STAG1: variants seen among roughly 807,000 people sequenced by gnomAD.
STAG1 encodes cohesin subunit SA-1.
STAG1 carries 26 observed loss-of-function variants against 170.9 expected under a neutral mutation model. The ratio of observed to expected loss-of-function variants is 0.15; its 90% CI spans 0.11 to 0.21. The LOEUF (loss-of-function observed/expected upper bound fraction) is 0.21, where lower values mean the gene tolerates loss of function less well. Ranked by LOEUF, STAG1 falls within the 10% of genes least tolerant of loss-of-function variation. The pLI, the probability that STAG1 is intolerant of heterozygous loss-of-function variation, is 1.00. For missense variants in STAG1, 964 were observed against 1,509.5 expected, an observed-to-expected ratio of 0.64 and a Z score of 5.99; for synonymous variants, 514 against 497.7, an observed-to-expected ratio of 1.03 and a Z score of -0.44.
chr3:136,678,406 A>G (rs2107883729), intron 1 of STAG1, among the ~76,000 whole-genome samples: 1 of 151,930 alleles, frequency 6.6e-6, no homozygotes, highest in South Asian at 2.1e-4. Flanking sequence ...TAGGGCAATC[A>G]CCCAAGTCAG....
At chr3:136,361,977 C>CA (rs1936881686) in intron 26 of STAG1, among the ~76,000 whole-genome samples, 1 of 151,378 alleles carries the variant, frequency 6.6e-6, no homozygotes, top group Admixed American at 6.6e-5. Context: ...TTTTTTGAGA[C>CA]AGAGTTTTGC....
At chr3:136,509,075 A>G (rs1240143922) in intron 7 of STAG1, among the ~76,000 whole-genome samples, 1 of 152,268 alleles carries the variant, frequency 6.6e-6, no homozygotes, top group African/African-American at 2.4e-5. Context: ...CTTGAGAGAC[A>G]AAGTTCTTGA....
At chr3:136,379,047 A>G (rs1346451625) in intron 22 of STAG1, among the ~76,000 whole-genome samples, 1 of 152,212 alleles carries the variant, frequency 6.6e-6, no homozygotes, top group Non-Finnish European at 1.5e-5. Flanking sequence ...TTTTGCTAAC[A>G]TGAGTATAGT....
intron 4 of STAG1, among the ~76,000 whole-genome samples, chr3:136,601,718 C>A (rs1024259177): frequency 1.3e-5 from 2 of 151,848 alleles, no homozygotes; most frequent in African/African-American, 4.8e-5. Flanking sequence ...GCACCTGTAA[C>A]CCCAGCTACT....
chr3:136,343,245 C>T (rs1188368458), intron 30 of STAG1, among the ~76,000 whole-genome samples: 1 of 152,202 alleles, frequency 6.6e-6, no homozygotes, highest in Non-Finnish European at 1.5e-5. Context: ...CCATCACCCT[C>T]TGCCTTCTCT....
At chr3:136,688,386 T>C (rs901351689) in intron 1 of STAG1, among the ~76,000 whole-genome samples, 1 of 152,090 alleles carries the variant, frequency 6.6e-6, no homozygotes, top group Non-Finnish European at 1.5e-5. Context: ...TCTACCAAAG[T>C]ACAAAAAGTT....
chr3:136,670,774 G>T (rs967339326), intron 1 of STAG1, among the ~76,000 whole-genome samples: 2 of 151,916 alleles, frequency 1.3e-5, no homozygotes, highest in Non-Finnish European at 2.9e-5. Flanking sequence ...GCCCGGACTT[G>T]TTTTTTCTTT....
At chr3:136,743,104 C>T (rs766686492) in intron 1 of STAG1, among the ~76,000 whole-genome samples, 4 of 152,102 alleles carry the variant, frequency 2.6e-5, no homozygotes, top group Non-Finnish European at 5.9e-5. Flanking sequence ...CAGTGGCTCA[C>T]GCCTGTAATC....
intron 1 of STAG1, among the ~76,000 whole-genome samples, chr3:136,745,964 A>G (rs1240447518): frequency 6.6e-6 from 1 of 152,206 alleles, no homozygotes. Flanking sequence ...TTAGAAAAGG[A>G]GGAGAAAAAT....
chr3:136,346,200 G>A (rs1936215235), intron 29 of STAG1, among the ~76,000 whole-genome samples: 1 of 152,192 alleles, frequency 6.6e-6, no homozygotes, highest in Non-Finnish European at 1.5e-5. Flanking sequence ...GCCTGTTTCT[G>A]TTCTCTATCT....
chr3:136,743,588 A>G (rs920805479), intron 1 of STAG1, among the ~76,000 whole-genome samples: 3 of 152,106 alleles, frequency 2.0e-5, no homozygotes, highest in African/African-American at 7.2e-5. Flanking sequence ...TATAGAAACT[A>G]AATTTGATTT....
intron 21 of STAG1, among the ~76,000 whole-genome samples, chr3:136,408,795 T>C (rs1361831326): frequency 6.6e-6 from 1 of 152,126 alleles, no homozygotes; most frequent in Non-Finnish European, 1.5e-5. Context: ...TCATGTCTTT[T>C]TGACTTAGAA....
chr3:136,567,969 G>T (rs537915777), intron 5 of STAG1, among the ~76,000 whole-genome samples: 1 of 151,422 alleles, frequency 6.6e-6, no homozygotes, highest in African/African-American at 2.4e-5. Flanking sequence ...CACTTTTTAC[G>T]GCAGAGACTG....
At position 136,368,992 on chromosome 3, in the gene STAG1, AC is replaced by A. The variant is rs1937188847; in HGVS notation, c.2545+115del. 3 of 1,053,428 alleles carry A rather than the reference AC, an allele frequency of 2.8e-6. No individual in the cohort carries two copies. The African/African-American group carries it at 5.0e-5, about 18-fold the overall frequency. The allele number at this position is 1,053,428 out of a possible 1,614,324, so 65.3% of individuals were successfully genotyped here. A position where few individuals can be genotyped will look rare whatever the true frequency, so the allele number is the denominator to read the frequency against. On this transcript the variant is annotated intron_variant, in intron 24 of 33. Coordinates refer to ENST00000383202, the MANE Select transcript of STAG1 (RefSeq NM_005862.3). Reference sequence around the variant, plus strand: ...TGGTGTCAGCCACTGCACCTGGCCAACTTTTTTAAAAGAAAGAAATCTCGAT... The same window carrying A: ...TGGTGTCAGCCACTGCACCTGGCCAATTTTTTAAAAGAAAGAAATCTCGAT...
At chr3:136,338,487 G>A in intron 32 of STAG1, 37 bp from the exon 33 acceptor site, 3 of 1,453,852 alleles carry the variant, frequency 2.1e-6, no homozygotes, top group Non-Finnish European at 2.9e-6. Flanking sequence ...TTTTTTCTGA[G>A]ATCATTAAGA....
At chr3:136,371,893 A>AC (rs1937359521) in intron 23 of STAG1, among the ~76,000 whole-genome samples, 1 of 152,220 alleles carries the variant, frequency 6.6e-6, no homozygotes, top group African/African-American at 2.4e-5. Context: ...TTCTGTGAAG[A>AC]AAGTCATTGG....
chr3:136,535,330 G>A (rs1215999291), intron 6 of STAG1, among the ~76,000 whole-genome samples: 1 of 152,124 alleles, frequency 6.6e-6, no homozygotes, highest in African/African-American at 2.4e-5. Flanking sequence ...GCAGGCTTGG[G>A]TGACTACAGT....
intron 1 of STAG1, among the ~76,000 whole-genome samples, chr3:136,657,953 G>C (rs574632030): frequency 1.3e-5 from 2 of 152,186 alleles, no homozygotes; most frequent in African/African-American, 4.8e-5. Context: ...TATAAAAAGG[G>C]AACACTATTA....
intron 3 of STAG1, among the ~76,000 whole-genome samples, chr3:136,606,766 T>G (rs549149984): frequency 1.1e-3 from 164 of 148,590 alleles, no homozygotes; most frequent in African/African-American, 2.9e-3. Context: ...TTTTTTTTTT[T>G]TGGGGACGAA....
Sources: allele counts gnomAD v4.1 joint callset (sites outside exome capture counted in the v4.1 genomes callset), GRCh38; gene constraint gnomAD v4.1.1; transcripts MANE v1.5; gene names NCBI Gene and HGNC (gene_info 2026-07-23, HGNC 2026-07-21).